The following COL9A1 variants were observed in gnomAD, a reference collection of about 807,000 sequenced individuals.
COL9A1 encodes the protein collagen type IX alpha 1 chain.
COL9A1 carries 104 observed loss-of-function variants against 142.6 expected under a neutral mutation model. The ratio of observed to expected loss-of-function variants is 0.73; its 90% CI spans 0.62 to 0.86. COL9A1 has a LOEUF of 0.86. Ranked by LOEUF, COL9A1 falls within the 40% of genes least tolerant of loss-of-function variation. COL9A1 has a pLI of 0.00. For missense variants in COL9A1, 1,210 were observed against 1,176.6 expected, an observed-to-expected ratio of 1.03 and a Z score of -0.42; for synonymous variants, 466 against 396.0, an observed-to-expected ratio of 1.18 and a Z score of -2.10.
intron 5 of COL9A1, 151 bp downstream of exon 5, chr6:70,294,016 C>T (rs1773752479): frequency 3.7e-6 from 4 of 1,078,394 alleles, no homozygotes; most frequent in South Asian, 1.3e-5. Context: ...TTAAGCTCCT[C>T]AAGACCAGAA....
Position 70,225,941 on chromosome 6 carries a change from C to CTAT in COL9A1, c.2569_2571dup (p.Ile857dup). On this transcript the variant is annotated inframe_insertion, in exon 37 of 38. Transcript: ENST00000357250. The stretch of plus-strand genomic sequence containing the variant: ...TATACAACACACTTACCTGGGAGAC[C>CTAT]TATAGCTCCAGGCAAACCGTTGGGA... 6.2e-7 allele frequency: 1 copy of CTAT among 1,613,960 alleles called. No homozygotes were observed. Among genetic ancestry groups the CTAT allele is most frequent in the South Asian group, 1.1e-5 (1 of 91,090 alleles).
chr6:70,260,503 G>A (rs963477089), intron 20 of COL9A1, among the ~76,000 whole-genome samples, 154 bp downstream of exon 20: 21 of 148,418 alleles, frequency 1.4e-4, no homozygotes, highest in Middle Eastern at 3.3e-3. Flanking sequence ...AGCCAAGATC[G>A]CGCCATTGCA....
chr6:70,261,773 C>CA lies in COL9A1; in HGVS notation c.1396-1064dup, dbSNP rs372667960. Among the ~76,000 whole-genome samples, 455 of 152,250 alleles carry CA rather than the reference C, an allele frequency of 3.0e-3. 5 individuals are homozygous for CA. The highest frequency in any genetic ancestry group is 0.01 in the African/African-American group (433 of 41,552). On this transcript the variant is annotated intron_variant, in intron 19 of 37. Coordinates refer to ENST00000357250, the MANE Select transcript of COL9A1 (RefSeq NM_001851.6). Reference sequence around the variant, plus strand: ...TTTACTGACTCTAAAGTTATTTCTACAAAAAGAAATATTTGGGTCAATAGC... The same window carrying CA: ...TTTACTGACTCTAAAGTTATTTCTACAAAAAAGAAATATTTGGGTCAATAGC...
intron 7 of COL9A1, among the ~76,000 whole-genome samples, chr6:70,282,616 C>A (rs1049421437): frequency 6.6e-6 from 1 of 152,218 alleles, no homozygotes; most frequent in Non-Finnish European, 1.5e-5. Flanking sequence ...CAATAACAGG[C>A]TAAGAATTAA....
intron 11 of COL9A1, 93 bp from the exon 12 acceptor site, chr6:70,274,175 C>T: frequency 4.0e-6 from 4 of 993,644 alleles, no homozygotes; most frequent in Non-Finnish European, 6.0e-6. Flanking sequence ...TTAAAACACC[C>T]CATTATGGTG....
chr6:70,254,775 A>G (rs1771169562), intron 24 of COL9A1, 188 bp downstream of exon 24: 1 of 703,096 alleles, frequency 1.4e-6, no homozygotes, highest in Admixed American at 2.5e-5. Context: ...AGTTCCTGAA[A>G]CCAAGCAAAT....
At chr6:70,239,337 A>T (rs369671433) in intron 32 of COL9A1, 51 bp from the exon 33 acceptor site, 431 of 1,243,472 alleles carry the variant, frequency 3.5e-4, no homozygotes, top group African/African-American at 2.6e-3. Context: ...ACATTTGATA[A>T]TTTCCTGAAA....
chr6:70,247,066 G>A (rs74690583), intron 28 of COL9A1, among the ~76,000 whole-genome samples: 12,883 of 152,082 alleles, frequency 0.085, 661 homozygotes, highest in South Asian at 0.2. Flanking sequence ...TAAAGAAATC[G>A]GCCAAAACAT....
intron 26 of COL9A1, 173 bp downstream of exon 26, chr6:70,253,212 C>T (rs958910081): frequency 9.5e-6 from 5 of 528,456 alleles, no homozygotes; most frequent in South Asian, 5.7e-5. Flanking sequence ...AGTATGCTTT[C>T]TGTAGCTAGG....
At chr6:70,240,827 C>T in intron 31 of COL9A1, 94 bp from the exon 32 acceptor site, 1 of 942,838 alleles carries the variant, frequency 1.1e-6, no homozygotes, top group South Asian at 1.3e-5. Flanking sequence ...TAAGTGCCCA[C>T]AGTGTTCCCA....
At position 70,302,915 on chromosome 6, in the gene COL9A1, A is replaced by AG. The variant is rs1404756199; in HGVS notation, c.9dup (p.Cys4LeufsTer35). 8.7e-6 allele frequency: 14 copies of AG among 1,613,960 alleles called. No homozygotes were observed. Among genetic ancestry groups the AG allele is most frequent in the Non-Finnish European group, 1.1e-5 (13 of 1,179,990 alleles). On this transcript the variant is annotated frameshift_variant, in exon 1 of 38. Coordinates refer to ENST00000357250, the MANE Select transcript of COL9A1 (RefSeq NM_001851.6). LOFTEE classifies it high-confidence loss of function. ...TTTCCAGGGTTATTGTCTTACCAGC[A>AG]GGTCTTCATTTTCCCAGTTGATTTT...
intron 37 of COL9A1, among the ~76,000 whole-genome samples, chr6:70,225,373 T>G (rs1769164106): frequency 6.6e-6 from 1 of 152,224 alleles, no homozygotes; most frequent in Admixed American, 6.5e-5. Context: ...AGGGCTACCC[T>G]GTCACCTCAG....
In COL9A1 at chr6:70,227,376, A is replaced by G. The variant is rs182946645; in HGVS notation, c.2504-1367T>C. ...GGAAGTAAAAATGGCTCTTAAATAT[A>G]TGAAAAATTCCCTGACTTCACTCTC... On this transcript the variant is annotated intron_variant, in intron 36 of 37. Coordinates refer to ENST00000357250, the MANE Select transcript of COL9A1 (RefSeq NM_001851.6). Among the ~76,000 whole-genome samples, 490 of 149,288 alleles carry G rather than the reference A, an allele frequency of 3.3e-3. 2 individuals are homozygous for G. The highest frequency in any genetic ancestry group is 0.014 in the Middle Eastern group (4 of 288).
At chr6:70,274,601 G>T in intron 11 of COL9A1, 118 bp downstream of exon 11, 1 of 821,782 alleles carries the variant, frequency 1.2e-6, no homozygotes, top group Non-Finnish European at 2.0e-6. Context: ...CACAATTTTA[G>T]TTGAACGAGT....
At chr6:70,268,773 A>G in intron 17 of COL9A1, 31 bp downstream of exon 17, 1 of 1,597,156 alleles carries the variant, frequency 6.3e-7, no homozygotes, top group Non-Finnish European at 8.6e-7. Context: ...TGTGGATAAT[A>G]CTCTTAAAAT....
Position 70,265,113 on chromosome 6 carries a change from C to T in COL9A1, c.1341+1604G>A, listed in dbSNP as rs994409827. Among the ~76,000 whole-genome samples, 6 of 152,158 alleles carry T rather than the reference C, an allele frequency of 3.9e-5. 1 individual carries two copies. The South Asian group carries it at 6.2e-4, about 16-fold the overall frequency. ...CAACAACCTTCAAAGTAAATTTTGG[C>T]CAATTACTTGACATGCCAAAAAAAA... On this transcript the variant is annotated intron_variant, in intron 18 of 37. Transcript: ENST00000357250.
chr6:70,260,835 A>G, intron 19 of COL9A1, 125 bp from the exon 20 acceptor site: 1 of 797,532 alleles, frequency 1.3e-6, no homozygotes, highest in Non-Finnish European at 2.1e-6. Context: ...AGAAATAGTA[A>G]CTATATATAT....
chr6:70,285,991 C>G (rs11752917), intron 5 of COL9A1, among the ~76,000 whole-genome samples: 8,350 of 152,210 alleles, frequency 0.055, 314 homozygotes, highest in Middle Eastern at 0.088. Context: ...TGGGTTCAGG[C>G]GATTCTCCTG....
chr6:70,255,376 C>T lies in COL9A1; in HGVS notation c.1518G>A (p.Gln506=). Residue 506 remains glutamine (Q), a synonymous_variant, in exon 22 of 38, where the codon CAG becomes CAA. Transcript: ENST00000357250. The part of the protein sequence containing the change: ...GLPGAPGDQG[Q]RGPPGEAGPK... ...GACCTGCTTCTCCTGGAGGTCCTCG[C>T]TGTCCTTGATCACCCTGTATGAAAA... The T allele has an allele frequency of 1.2e-6, 2 of 1,614,118 alleles. No individual in the cohort carries two copies. Among genetic ancestry groups the T allele is most frequent in the South Asian group, 1.1e-5 (1 of 91,076 alleles).
Sources: gnomAD v4.1 joint callset for allele counts (sites outside exome capture counted in the v4.1 genomes callset) on GRCh38, gnomAD v4.1.1 for gene constraint, MANE v1.5 for transcripts, NCBI Gene and HGNC (gene_info 2026-07-23, HGNC 2026-07-21) for gene names.